TTLL11: variants seen among roughly 807,000 people sequenced by gnomAD.
TTLL11 encodes the protein tubulin polyglutamylase TTLL11.
A neutral mutation model predicts 51.7 loss-of-function variants in TTLL11; 42 were observed. The ratio of observed to expected loss-of-function variants is 0.81; its 90% CI spans 0.64 to 1.05. The LOEUF is 1.05. Among genes scored for constraint, TTLL11 ranks in the 50% least tolerant of loss-of-function variants. The pLI, the probability that TTLL11 is intolerant of heterozygous loss-of-function variation, is 0.00. For missense variants in TTLL11, 799 were observed against 940.4 expected (o/e 0.85, Z 1.97); for synonymous variants, 381 against 383.5 (o/e 0.99, Z 0.08).
chr9:122,027,246 C>G (rs1213267230), intron 3 of TTLL11, among the ~76,000 whole-genome samples: 1 of 152,170 alleles, frequency 6.6e-6, no homozygotes, highest in African/African-American at 2.4e-5. Flanking sequence ...AATCTGTCCC[C>G]ATGATCCAAT....
intron 1 of TTLL11, among the ~76,000 whole-genome samples, chr9:122,041,234 T>C (rs1237652682): frequency 6.6e-6 from 1 of 152,226 alleles, no homozygotes; most frequent in Non-Finnish European, 1.5e-5. Context: ...ATGGGGGATA[T>C]AATTTTAATT....
chr9:122,016,130 C>T (rs16911266), intron 3 of TTLL11, among the ~76,000 whole-genome samples: 23,049 of 151,976 alleles, frequency 0.15, 3,140 homozygotes, highest in African/African-American at 0.37. Flanking sequence ...GCAGGGGGTC[C>T]GAAAAACTAA....
At chr9:121,831,533 T>C (rs1837011244) in intron 8 of TTLL11, among the ~76,000 whole-genome samples, 1 of 151,974 alleles carries the variant, frequency 6.6e-6, no homozygotes, top group South Asian at 2.1e-4. Flanking sequence ...ACCCCGTCTC[T>C]ACTAAATATA....
At chr9:121,992,891 A>G (rs1012815813) in intron 3 of TTLL11, among the ~76,000 whole-genome samples, 1 of 152,242 alleles carries the variant, frequency 6.6e-6, no homozygotes, top group Admixed American at 6.5e-5. Context: ...CTCTACTAAG[A>G]CATTAAAATG....
intron 3 of TTLL11, among the ~76,000 whole-genome samples, chr9:122,007,953 A>G (rs1157718028): frequency 6.6e-6 from 1 of 152,230 alleles, no homozygotes; most frequent in Non-Finnish European, 1.5e-5. Context: ...ATTACCAGTA[A>G]TAAGACAGAA....
At chr9:122,079,242 T>C (rs891260182) in intron 1 of TTLL11, among the ~76,000 whole-genome samples, 1 of 152,168 alleles carries the variant, frequency 6.6e-6, no homozygotes, top group Non-Finnish European at 1.5e-5. Context: ...ACATGTACTA[T>C]CTGTCTTATT....
At chr9:121,906,081 A>G (rs557449911) in intron 6 of TTLL11, among the ~76,000 whole-genome samples, 1 of 152,362 alleles carries the variant, frequency 6.6e-6, no homozygotes, top group African/African-American at 2.4e-5. Context: ...AATATTTCAC[A>G]CAGGAGTATG....
At chr9:122,092,641 T>C in intron 1 of TTLL11, 46 bp downstream of exon 1, 1 of 1,534,858 alleles carries the variant, frequency 6.5e-7, no homozygotes, top group East Asian at 2.4e-5. Flanking sequence ...GAGGTCGTCC[T>C]GTCCACCCCA....
intron 3 of TTLL11, among the ~76,000 whole-genome samples, chr9:122,003,656 C>T (rs1040330126): frequency 6.6e-6 from 1 of 150,524 alleles, no homozygotes; most frequent in African/African-American, 2.4e-5. Flanking sequence ...AGCTAATTTT[C>T]TTGTATTTTT....
chr9:122,011,746 A>G (rs1843797367), intron 3 of TTLL11, among the ~76,000 whole-genome samples: 1 of 152,244 alleles, frequency 6.6e-6, no homozygotes, highest in Admixed American at 6.5e-5. Context: ...AATTATTTGT[A>G]TTATTCTTAC....
At chr9:121,843,728 A>T (rs1291443387) in intron 8 of TTLL11, among the ~76,000 whole-genome samples, 2 of 152,176 alleles carry the variant, frequency 1.3e-5, no homozygotes, top group African/African-American at 2.4e-5. Flanking sequence ...GTTGGAGTGC[A>T]GTGGTGCAAC....
chr9:121,960,887 G>C (rs1445478860), intron 6 of TTLL11, among the ~76,000 whole-genome samples: 1 of 152,074 alleles, frequency 6.6e-6, no homozygotes, highest in East Asian at 1.9e-4. Context: ...CCTGGGGGTG[G>C]ATCCTCCTGC....
chr9:122,043,798 A>C (rs1844915260), intron 1 of TTLL11, among the ~76,000 whole-genome samples: 2 of 152,156 alleles, frequency 1.3e-5, no homozygotes, highest in Non-Finnish European at 2.9e-5. Context: ...AATATGTGCA[A>C]AATCATATAT....
intron 8 of TTLL11, among the ~76,000 whole-genome samples, chr9:121,828,339 A>AT (rs1416973631): frequency 5.3e-5 from 8 of 151,658 alleles, no homozygotes; most frequent in Non-Finnish European, 1.2e-4. Flanking sequence ...TACCTGGCTA[A>AT]TTTTTTGTAT....
At chr9:122,038,635 C>T (rs1844764196) in intron 2 of TTLL11, among the ~76,000 whole-genome samples, 3 of 152,052 alleles carry the variant, frequency 2.0e-5, no homozygotes, top group South Asian at 2.1e-4. Context: ...AGTGACCAAG[C>T]GAGACTCCAT....
intron 6 of TTLL11, among the ~76,000 whole-genome samples, chr9:121,930,144 T>A: frequency 6.6e-6 from 1 of 152,208 alleles, no homozygotes; most frequent in East Asian, 1.9e-4. Context: ...AGGAAACTGA[T>A]GTTCAGGAAA....
chr9:121,860,941 C>T (rs537493975), intron 7 of TTLL11, among the ~76,000 whole-genome samples: 31 of 152,286 alleles, frequency 2.0e-4, no homozygotes, highest in African/African-American at 5.8e-4. Context: ...CTGGAACTAC[C>T]GCAGGGTGAC....
chr9:121,820,312 G>A lies in TTLL11; in HGVS notation c.*2275C>T, dbSNP rs1402835226. Among the ~76,000 whole-genome samples, 1 of 152,238 alleles carries A rather than the reference G, an allele frequency of 6.6e-6. No individual in the cohort carries two copies. Among genetic ancestry groups the A allele is most frequent in the Non-Finnish European group, 1.5e-5 (1 of 68,044 alleles). ...CTGAAGACCAACTTCAAGAAATGGT[G>A]TCACGTGAGAGCTTTGTTAAGACTT... On this transcript the variant is annotated 3_prime_UTR_variant, in exon 9 of 9. Transcript: ENST00000321582.
chr9:122,090,520 T>A (rs1047008950), intron 1 of TTLL11, among the ~76,000 whole-genome samples: 1 of 152,170 alleles, frequency 6.6e-6, no homozygotes, highest in African/African-American at 2.4e-5. Flanking sequence ...ATAACTCCAG[T>A]TCATTTTCAG....
Sources: allele counts gnomAD v4.1 joint callset (sites outside exome capture counted in the v4.1 genomes callset), GRCh38; gene constraint gnomAD v4.1.1; transcripts MANE v1.5; gene names NCBI Gene and HGNC (gene_info 2026-07-23, HGNC 2026-07-21).